Variants in ARMH4 observed in about 807,000 individuals in gnomAD.
ARMH4 encodes the protein armadillo-like helical domain-containing protein 4.
A neutral mutation model predicts 61.9 loss-of-function variants in ARMH4; 49 were observed. The ratio of observed to expected loss-of-function variants is 0.79; its 90% CI spans 0.63 to 1.00. ARMH4 has a LOEUF of 1.00. Ranked by LOEUF, ARMH4 falls within the 50% of genes least tolerant of loss-of-function variation. ARMH4 has a pLI of 0.00. For synonymous variants in ARMH4, 368 were observed against 341.5 expected (o/e 1.08, Z -0.85); for missense variants, 934 against 930.0 (o/e 1.00, Z -0.06).
chr14:58,091,539 A>G (rs967960540), intron 5 of ARMH4, among the ~76,000 whole-genome samples: 20 of 152,250 alleles, frequency 1.3e-4, no homozygotes, highest in African/African-American at 4.8e-4. Context: ...ATTCTAACAA[A>G]TAAAGGAAGA....
At chr14:58,139,472 C>T in intron 1 of ARMH4, 58 bp from the exon 2 acceptor site, 1 of 958,746 alleles carries the variant, frequency 1.0e-6, no homozygotes, top group Non-Finnish European at 1.5e-6. Flanking sequence ...AAATAAGTCT[C>T]TTTAAATTAA....
chr14:58,088,772 T>C (rs974076351), intron 5 of ARMH4, among the ~76,000 whole-genome samples: 4 of 152,198 alleles, frequency 2.6e-5, no homozygotes, highest in Admixed American at 6.5e-5. Context: ...GATCTCTATA[T>C]GATTATAAAA....
At chr14:58,043,914 CTTCAAGGAG>C (rs749095211) in intron 5 of ARMH4, among the ~76,000 whole-genome samples, 2 of 152,128 alleles carry the variant, frequency 1.3e-5, no homozygotes, top group Admixed American at 6.5e-5. Flanking sequence ...TGAAGGACCT[CTTCAAGGAG>C]TTCAAGGAGA....
At chr14:58,079,908 A>C (rs1288616886) in intron 5 of ARMH4, among the ~76,000 whole-genome samples, 1 of 152,102 alleles carries the variant, frequency 6.6e-6, no homozygotes, top group African/African-American at 2.4e-5. Context: ...CACACAACTT[A>C]TAAACAAAAT....
chr14:58,035,981 A>G (rs1467126370), intron 5 of ARMH4, among the ~76,000 whole-genome samples: 2 of 130,016 alleles, frequency 1.5e-5, no homozygotes, highest in East Asian at 4.2e-4. Context: ...ACAAGGAGGA[A>G]CTGGTACCAT....
chr14:58,079,358 G>C (rs533112919), intron 5 of ARMH4, among the ~76,000 whole-genome samples: 30 of 152,326 alleles, frequency 2.0e-4, no homozygotes, highest in African/African-American at 7.0e-4. Flanking sequence ...AAGGGCAAGA[G>C]AGCACATACA....
intron 7 of ARMH4, 117 bp from the exon 8 acceptor site, chr14:58,004,921 T>C (rs1882105829): frequency 1.3e-6 from 2 of 1,524,588 alleles, no homozygotes; most frequent in East Asian, 4.5e-5. Flanking sequence ...CTACAGCAGC[T>C]AATCCAGACC....
chr14:58,018,525 C>G (rs1882698654), intron 5 of ARMH4, among the ~76,000 whole-genome samples: 1 of 151,194 alleles, frequency 6.6e-6, no homozygotes, highest in African/African-American at 2.4e-5. Flanking sequence ...TTCAACATCA[C>G]TAATTAATTT....
chr14:58,125,818 C>A (rs1011211539), intron 4 of ARMH4, among the ~76,000 whole-genome samples: 1 of 152,170 alleles, frequency 6.6e-6, no homozygotes, highest in Non-Finnish European at 1.5e-5. Context: ...AGAGCGGGGA[C>A]TGAGAGACAG....
At chr14:58,038,746 A>G (rs1018402541) in intron 5 of ARMH4, among the ~76,000 whole-genome samples, 6 of 152,208 alleles carry the variant, frequency 3.9e-5, no homozygotes, top group Non-Finnish European at 7.3e-5. Context: ...TGTGACAACT[A>G]TAATGTGATA....
intron 5 of ARMH4, among the ~76,000 whole-genome samples, chr14:58,062,531 G>C (rs1451416854): frequency 1.3e-5 from 2 of 152,238 alleles, no homozygotes; most frequent in South Asian, 4.1e-4. Flanking sequence ...CAGAGCTGCA[G>C]AGTCAGGCAA....
intron 5 of ARMH4, among the ~76,000 whole-genome samples, chr14:58,092,806 G>C (rs2141257850): frequency 6.8e-6 from 1 of 147,836 alleles, no homozygotes; most frequent in African/African-American, 2.5e-5. Flanking sequence ...CCAATTTAAA[G>C]ATCCTTCCCT....
chr14:58,012,738 T>C (rs1882454024), intron 5 of ARMH4, among the ~76,000 whole-genome samples: 1 of 152,092 alleles, frequency 6.6e-6, no homozygotes, highest in African/African-American at 2.4e-5. Flanking sequence ...ACAACCACTA[T>C]GAAAAATAAA....
chr14:58,140,266 A>C, intron 1 of ARMH4, among the ~76,000 whole-genome samples: 3 of 117,208 alleles, frequency 2.6e-5, no homozygotes, highest in Non-Finnish European at 3.5e-5. Flanking sequence ...CAAGAGCAAA[A>C]CTCCATCTCA....
rs148028823 is a variant in ARMH4 at position 58,128,682 on chromosome 14, C to T, written c.1831+2830G>A. On this transcript the variant is annotated intron_variant, in intron 4 of 7. Coordinates refer to ENST00000267485, the MANE Select transcript of ARMH4 (RefSeq NM_001001872.4). Reference sequence around the variant, plus strand: ...TTCAGTGACTAAGAAAAGGAAAACACACCAAAACTTCTCCCACTCTACCAA... The same window carrying T: ...TTCAGTGACTAAGAAAAGGAAAACATACCAAAACTTCTCCCACTCTACCAA... Among the ~76,000 whole-genome samples the T allele has an allele frequency of 5.3e-5, 8 of 152,308 alleles. No homozygotes were observed. In the East Asian group the frequency reaches 1.5e-3, roughly 29 times the overall value.
At chr14:58,122,974 G>A (rs1886776418) in intron 4 of ARMH4, among the ~76,000 whole-genome samples, 1 of 152,072 alleles carries the variant, frequency 6.6e-6, no homozygotes, top group Non-Finnish European at 1.5e-5. Context: ...AGGGCCAGGA[G>A]GTTAACTGTC....
intron 4 of ARMH4, among the ~76,000 whole-genome samples, chr14:58,120,459 C>T (rs1431083308): frequency 1.3e-5 from 2 of 152,062 alleles, no homozygotes; most frequent in African/African-American, 4.8e-5. Context: ...TTTTTCTCTC[C>T]TGACTCTTAC....
At chr14:58,093,003 G>C (rs949888987) in intron 5 of ARMH4, among the ~76,000 whole-genome samples, 3 of 152,050 alleles carry the variant, frequency 2.0e-5, no homozygotes, top group African/African-American at 7.2e-5. Context: ...CGTGGGAGGT[G>C]CTTCAATTAT....
rs571250511 is a variant in ARMH4 at position 58,145,656 on chromosome 14, A to G, written c.-56-6242T>C. ...GGGAATTCTGCTATTGCTCCAAAAG[A>G]CTTGCCTTCTGTGATTGTCAGCCAC... On this transcript the variant is annotated intron_variant, in intron 1 of 7. Transcript: ENST00000267485. Among the ~76,000 whole-genome samples the G allele has an allele frequency of 5.9e-5, 9 of 152,370 alleles. No homozygotes were observed. In the South Asian group the frequency reaches 1.9e-3, roughly 32 times the overall value.
Sources: allele counts gnomAD v4.1 joint callset (sites outside exome capture counted in the v4.1 genomes callset), GRCh38; gene constraint gnomAD v4.1.1; transcripts MANE v1.5; gene names NCBI Gene and HGNC (gene_info 2026-07-23, HGNC 2026-07-21).